Variants in ERC1 observed in about 807,000 individuals in gnomAD.
ERC1 encodes the protein RAB6 interacting protein 2.
Under a neutral mutation model 132.0 loss-of-function variants are expected in ERC1, and 56 were observed. That is an observed-to-expected ratio of 0.42 (90% CI 0.34 to 0.53). ERC1 has a LOEUF of 0.53. Ranked by LOEUF, ERC1 falls within the 20% of genes least tolerant of loss-of-function variation. ERC1 has a pLI of 0.03. For missense variants in ERC1, 1,202 were observed against 1,349.9 expected, an observed-to-expected ratio of 0.89 and a Z score of 1.72; for synonymous variants, 478 against 476.1, an observed-to-expected ratio of 1.00 and a Z score of -0.05.
chr12:1,474,270 T>C (rs1225071045), intron 18 of ERC1, among the ~76,000 whole-genome samples: 1 of 152,176 alleles, frequency 6.6e-6, no homozygotes, highest in Non-Finnish European at 1.5e-5. Flanking sequence ...TAAACCAAAC[T>C]AGGCATTTCT....
chr12:1,158,300 GT>G (rs1212585351), intron 8 of ERC1, among the ~76,000 whole-genome samples: 1 of 151,946 alleles, frequency 6.6e-6, no homozygotes, highest in Non-Finnish European at 1.5e-5. Flanking sequence ...ATATTGTGTT[GT>G]TTTTTGTAAA....
At chr12:1,038,729 C>G (rs966922020) in intron 2 of ERC1, among the ~76,000 whole-genome samples, 1 of 152,122 alleles carries the variant, frequency 6.6e-6, no homozygotes, top group Non-Finnish European at 1.5e-5. Context: ...CTAGGGAGTT[C>G]TTGAACGAGG....
At position 1,039,197 on chromosome 12, in the gene ERC1, C is replaced by T. The variant is rs546011379; in HGVS notation, c.669+10625C>T. Among the ~76,000 whole-genome samples, 11 of 151,638 alleles carry T rather than the reference C, an allele frequency of 7.3e-5. No homozygotes were observed. The South Asian group carries it at 1.3e-3, about 17-fold the overall frequency. ...TAAAAATACAAAAAAATTAGCTGGG[C>T]GTGGTGGTGGGCGCCTGTAGTCCCA... On this transcript the variant is annotated intron_variant, in intron 2 of 18. Transcript: ENST00000360905.
At chr12:1,151,157 T>G (rs1016894391) in intron 8 of ERC1, among the ~76,000 whole-genome samples, 6 of 152,188 alleles carry the variant, frequency 3.9e-5, no homozygotes, top group Non-Finnish European at 2.9e-5. Flanking sequence ...GGGTTAAGAA[T>G]AATAAAGTAA....
chr12:1,413,253 CAT>C (rs1491132649), intron 17 of ERC1, among the ~76,000 whole-genome samples: 1 of 151,942 alleles, frequency 6.6e-6, no homozygotes, highest in Non-Finnish European at 1.5e-5. Context: ...TGCCTCCACT[CAT>C]AAAAAAAAAT....
At chr12:1,121,671 ATCTCTATCTATC>A (rs1448406056) in intron 7 of ERC1, among the ~76,000 whole-genome samples, 2 of 8,390 alleles carry the variant, frequency 2.4e-4, no homozygotes, top group African/African-American at 4.2e-4. Flanking sequence ...CTCTATCTCT[ATCTCTATCTATC>A]TCTATCTCTA....
At chr12:1,268,844 G>C (rs1237100959) in intron 14 of ERC1, among the ~76,000 whole-genome samples, 1 of 152,198 alleles carries the variant, frequency 6.6e-6, no homozygotes, top group African/African-American at 2.4e-5. Flanking sequence ...AGAAGTGAAA[G>C]CTAGAAGCGT....
At chr12:1,410,591 G>A (rs2091783589) in intron 17 of ERC1, 1 of 289,208 alleles carries the variant, frequency 3.5e-6, no homozygotes, top group Non-Finnish European at 6.7e-6. Flanking sequence ...ATTTTCACGT[G>A]ATTCTTGTGT....
intron 17 of ERC1, among the ~76,000 whole-genome samples, chr12:1,438,431 A>T (rs2093004996): frequency 6.6e-6 from 1 of 152,196 alleles, no homozygotes; most frequent in African/African-American, 2.4e-5. Context: ...CAGCAGTACA[A>T]TGACAGTCCA....
intron 18 of ERC1, among the ~76,000 whole-genome samples, chr12:1,468,021 C>T (rs899690175): frequency 1.3e-5 from 2 of 152,178 alleles, no homozygotes; most frequent in Non-Finnish European, 2.9e-5. Context: ...TGGCCCAGTT[C>T]CTAACAGGGC....
At chr12:1,353,691 G>A (rs1340333621) in intron 15 of ERC1, among the ~76,000 whole-genome samples, 3 of 152,068 alleles carry the variant, frequency 2.0e-5, no homozygotes, top group Admixed American at 2.0e-4. Flanking sequence ...GAGGTCTCTT[G>A]TTATGCTAAG....
At chr12:1,404,996 C>G (rs549155022) in intron 16 of ERC1, among the ~76,000 whole-genome samples, 1 of 151,904 alleles carries the variant, frequency 6.6e-6, no homozygotes, top group African/African-American at 2.4e-5. Context: ...AAAAAAATAG[C>G]CAGCGTGGTG....
intron 2 of ERC1, among the ~76,000 whole-genome samples, chr12:1,042,347 T>TG (rs1415477081): frequency 7.1e-6 from 1 of 141,110 alleles, no homozygotes; most frequent in African/African-American, 2.7e-5. Flanking sequence ...TGTTTTTTTT[T>TG]TTTTTTTTTC....
At chr12:1,324,594 A>T (rs2082328012) in intron 15 of ERC1, among the ~76,000 whole-genome samples, 1 of 152,186 alleles carries the variant, frequency 6.6e-6, no homozygotes, top group Non-Finnish European at 1.5e-5. Context: ...TATAAAGTTC[A>T]TTTTTTAAAA....
At chr12:1,010,104 A>G (rs865801211) in intron 1 of ERC1, among the ~76,000 whole-genome samples, 3 of 152,324 alleles carry the variant, frequency 2.0e-5, no homozygotes, top group Middle Eastern at 3.4e-3. Context: ...AAGAATTACT[A>G]TTTAAAAAAC....
At chr12:1,084,697 G>C (rs992709719) in intron 3 of ERC1, among the ~76,000 whole-genome samples, 2 of 149,340 alleles carry the variant, frequency 1.3e-5, no homozygotes, top group Admixed American at 6.7e-5. Flanking sequence ...AATTTTTATT[G>C]TTTTTATTTT....
intron 15 of ERC1, among the ~76,000 whole-genome samples, chr12:1,357,852 A>C (rs1595211859): frequency 6.6e-6 from 1 of 152,332 alleles, no homozygotes; most frequent in Non-Finnish European, 1.5e-5. Flanking sequence ...CCCCTCCTCC[A>C]ACTTCATCCC....
chr12:1,025,774 T>G (rs990564199), intron 1 of ERC1, among the ~76,000 whole-genome samples: 1 of 151,644 alleles, frequency 6.6e-6, no homozygotes, highest in Non-Finnish European at 1.5e-5. Context: ...TACCCGAGAC[T>G]AGGTAATTTA....
intron 15 of ERC1, among the ~76,000 whole-genome samples, chr12:1,349,795 T>C (rs2084839857): frequency 6.6e-6 from 1 of 152,230 alleles, no homozygotes. Flanking sequence ...AAAAAACTTT[T>C]AGGAGTTCAT....
Sources: allele counts gnomAD v4.1 joint callset (sites outside exome capture counted in the v4.1 genomes callset), GRCh38; gene constraint gnomAD v4.1.1; transcripts MANE v1.5; gene names NCBI Gene and HGNC (gene_info 2026-07-23, HGNC 2026-07-21).